Variants in AGO1 observed in about 807,000 individuals in gnomAD.
The protein encoded by AGO1 is protein argonaute-1.
A neutral mutation model predicts 109.2 loss-of-function variants in AGO1; 11 were observed. The observed-to-expected ratio is 0.10, with a 90% CI of 0.06 to 0.17. AGO1 has a LOEUF of 0.17. Ranked by LOEUF, AGO1 falls within the 10% of genes least tolerant of loss-of-function variation. The pLI is 1.00. For missense variants in AGO1, 574 were observed against 1,140.3 expected, an observed-to-expected ratio of 0.50 and a Z score of 7.15; for synonymous variants, 422 against 418.6, an observed-to-expected ratio of 1.01 and a Z score of -0.10.
intron 8 of AGO1, among the ~76,000 whole-genome samples, chr1:35,897,934 A>G (rs1645347484): frequency 6.6e-6 from 1 of 152,186 alleles, no homozygotes; most frequent in Non-Finnish European, 1.5e-5. Context: ...AACAGCCTGT[A>G]GTAACCACTA....
chr1:35,895,301 G>A, intron 8 of AGO1, 32 bp downstream of exon 8: 3 of 1,601,794 alleles, frequency 1.9e-6, no homozygotes, highest in Non-Finnish European at 8.5e-7. Flanking sequence ...TGGGGAATAG[G>A]CATTGTATAT....
intron 15 of AGO1, among the ~76,000 whole-genome samples, chr1:35,916,103 A>G (rs1189004286): frequency 6.6e-6 from 1 of 151,944 alleles, no homozygotes; most frequent in Non-Finnish European, 1.5e-5. Flanking sequence ...TACTGTTCCA[A>G]TGAACTTCCT....
chr1:35,915,827 A>G (rs1434842477), intron 15 of AGO1, among the ~76,000 whole-genome samples: 1 of 152,214 alleles, frequency 6.6e-6, no homozygotes, highest in Non-Finnish European at 1.5e-5. Context: ...TTACATTAAG[A>G]TCGCCTGGAG....
chr1:35,919,423 T>A lies in AGO1; in HGVS notation c.2466-76T>A. ...TCTTAAGTTGGTATGGGAATTGGCA[T>A]CCCAGGGCTGGGCGAGGGAATTAGC... On this transcript the variant is annotated intron_variant, in intron 18 of 18. Coordinates refer to ENST00000373204, the MANE Select transcript of AGO1 (RefSeq NM_012199.5). The surrounding 1 kb of genome is among the most constrained non-coding windows in gnomAD (Gnocchi z 6.6). 6.6e-7 allele frequency: 1 copy of A among 1,505,622 alleles called. No individual in the cohort carries two copies. Among genetic ancestry groups the A allele is most frequent in the Non-Finnish European group, 9.0e-7 (1 of 1,106,748 alleles). The allele number at this position is 1,505,622 out of a possible 1,614,324, so 93.3% of individuals were successfully genotyped here.
At chr1:35,882,641 T>A (rs1645049301), upstream of AGO1, among the ~76,000 whole-genome samples, 1 of 152,178 alleles carries the variant, frequency 6.6e-6, no homozygotes, top group South Asian at 2.1e-4. The surrounding 1 kb of genome is among the most constrained non-coding windows in gnomAD (Gnocchi z 5.1). Flanking sequence ...GTAGCTGCAC[T>A]TAAGTTCAAA....
chr1:35,870,820 T>C (rs1328331629), intron 1 of AGO1, among the ~76,000 whole-genome samples: 1 of 152,246 alleles, frequency 6.6e-6, no homozygotes. Flanking sequence ...TTGTTTAATA[T>C]GTATATTTGT....
intron 15 of AGO1, among the ~76,000 whole-genome samples, 167 bp downstream of exon 15, chr1:35,915,709 A>C (rs1281058830): frequency 6.6e-6 from 1 of 152,230 alleles, no homozygotes; most frequent in Non-Finnish European, 1.5e-5. Context: ...GGAGTGTACA[A>C]GCATCTGTAG....
chr1:35,882,851 G>A, upstream of AGO1: 1 of 985,440 alleles, frequency 1.0e-6, no homozygotes, highest in Non-Finnish European at 1.2e-6. This position sits in a 1 kb window ranked among gnomAD's most constrained non-coding sequence, Gnocchi z 5.1. Flanking sequence ...GCCCCTGGGC[G>A]CTGGAGTGCC....
intron 8 of AGO1, among the ~76,000 whole-genome samples, chr1:35,896,369 C>T (rs1016352495): frequency 3.3e-5 from 5 of 151,266 alleles, no homozygotes; most frequent in African/African-American, 1.2e-4. Context: ...CTAGACTACC[C>T]TCTTTTTCTT....
At chr1:35,898,422 A>G (rs1291500347) in intron 8 of AGO1, among the ~76,000 whole-genome samples, 1 of 151,898 alleles carries the variant, frequency 6.6e-6, no homozygotes, top group Non-Finnish European at 1.5e-5. Flanking sequence ...ACGCCTGGCT[A>G]ATTTTTTGTA....
At position 35,901,917 on chromosome 1, in the gene AGO1, T is replaced by A; in HGVS notation, c.1141-31T>A. On this transcript the variant is annotated intron_variant, in intron 9 of 18. Coordinates refer to ENST00000373204, the MANE Select transcript of AGO1 (RefSeq NM_012199.5). This position sits in a 1 kb window ranked among gnomAD's most constrained non-coding sequence, Gnocchi z 4.8. ...GTGAGCAGTATTGCCAAGCTCCTGTTCTCCTGAGATTGCTCTCTTTTGTCC... is the reference window on the plus strand; with the variant it reads ...GTGAGCAGTATTGCCAAGCTCCTGTACTCCTGAGATTGCTCTCTTTTGTCC... 1 of 1,554,364 alleles carries A rather than the reference T, an allele frequency of 6.4e-7. No homozygotes were observed. The highest frequency in any genetic ancestry group is 1.2e-5 in the South Asian group (1 of 82,076).
Position 35,890,551 on chromosome 1 carries a change from T to TA in AGO1, c.209+1944dup, listed in dbSNP as rs1645199535. ...AGTGGCTGTAATATAACTTATGTAA[T>TA]AAATCTATTGAGGAACATTTGAGTC... On this transcript the variant is annotated intron_variant, in intron 2 of 18. Coordinates refer to ENST00000373204, the MANE Select transcript of AGO1 (RefSeq NM_012199.5). Among the ~76,000 whole-genome samples, 3 of 152,214 alleles carry TA rather than the reference T, an allele frequency of 2.0e-5. No homozygotes were observed. In the South Asian group the frequency reaches 6.2e-4, roughly 32 times the overall value.
At chr1:35,878,781 T>C (rs1411193591), upstream of AGO1, among the ~76,000 whole-genome samples, 1 of 152,228 alleles carries the variant, frequency 6.6e-6, no homozygotes, top group Admixed American at 6.5e-5. Context: ...TTTATCATAA[T>C]TAGTTATTAC....
Position 35,888,727 on chromosome 1 carries a change from G to C in AGO1, c.209+117G>C. On this transcript the variant is annotated intron_variant, in intron 2 of 18. Transcript: ENST00000373204. This position sits in a 1 kb window ranked among gnomAD's most constrained non-coding sequence, Gnocchi z 4.1. ...TATCACCAAATCTAAGGAAGTTTTT[G>C]AACGGGAGATGCCACGTCGGGTAAA... The C allele has an allele frequency of 8.7e-7, 1 of 1,146,344 alleles. No individual in the cohort carries two copies. Among genetic ancestry groups the C allele is most frequent in the South Asian group, 1.6e-5 (1 of 60,820 alleles). The allele number at this position is 1,146,344 out of a possible 1,614,324, so 71.0% of individuals were successfully genotyped here.
chr1:35,928,499 G>C lies in AGO1; in HGVS notation c.*8892G>C, dbSNP rs999700616. On this transcript the variant is annotated 3_prime_UTR_variant, in exon 19 of 19. Coordinates refer to ENST00000373204, the MANE Select transcript of AGO1 (RefSeq NM_012199.5). Reference sequence around the variant, plus strand: ...GTTCGGTCTCATTAGTATTGCCCAGGCTGGCCTCTCTTAGCTTCAAGCTAT... The same window carrying C: ...GTTCGGTCTCATTAGTATTGCCCAGCCTGGCCTCTCTTAGCTTCAAGCTAT... 1 of 152,134 alleles carries C rather than the reference G, an allele frequency of 6.6e-6. No homozygotes were observed. Among genetic ancestry groups the C allele is most frequent in the African/African-American group, 2.4e-5 (1 of 41,410 alleles). The allele number at this position is 152,134 out of a possible 1,614,324, so 9.4% of individuals were successfully genotyped here. A position where few individuals can be genotyped will look rare whatever the true frequency, so the allele number is the denominator to read the frequency against.
chr1:35,901,823 C>A lies in AGO1; in HGVS notation c.1141-125C>A. 2.1e-6 allele frequency: 3 copies of A among 1,409,072 alleles called. No homozygotes were observed. Among genetic ancestry groups the A allele is most frequent in the Non-Finnish European group, 2.9e-6 (3 of 1,038,292 alleles). The allele number at this position is 1,409,072 out of a possible 1,614,324, so 87.3% of individuals were successfully genotyped here. On this transcript the variant is annotated intron_variant, in intron 9 of 18. Coordinates refer to ENST00000373204, the MANE Select transcript of AGO1 (RefSeq NM_012199.5). The surrounding 1 kb of genome is among the most constrained non-coding windows in gnomAD (Gnocchi z 4.8). ...TCACTTCCCTCATCTTCCACTTTCT[C>A]TCTCTTTTTAGGACTATTCCGTACC... is the stretch of plus-strand genomic sequence containing the variant.
At chr1:35,892,993 C>A in intron 3 of AGO1, 104 bp from the exon 4 acceptor site, 1 of 1,165,766 alleles carries the variant, frequency 8.6e-7, no homozygotes, top group Non-Finnish European at 1.2e-6. Context: ...TCATTATGAG[C>A]CCCTATCAAC....
chr1:35,909,743 T>C (rs990633878), intron 12 of AGO1, among the ~76,000 whole-genome samples: 1 of 152,202 alleles, frequency 6.6e-6, no homozygotes, highest in Non-Finnish European at 1.5e-5. Context: ...CCTCTCTATA[T>C]ACACACCTAA....
chr1:35,883,921 G>T lies in AGO1; in HGVS notation c.25+475G>T, dbSNP rs1243430229. Among the ~76,000 whole-genome samples, 1 of 152,228 alleles carries T rather than the reference G, an allele frequency of 6.6e-6. No individual in the cohort carries two copies. The highest frequency in any genetic ancestry group is 1.5e-5 in the Non-Finnish European group (1 of 68,032). Reference sequence around the variant, plus strand: ...TGAGCTCCGCCCCACTGGGCCTGACGCGAGGGCGAGGGTCAGGGGGCGGTG... The same window carrying T: ...TGAGCTCCGCCCCACTGGGCCTGACTCGAGGGCGAGGGTCAGGGGGCGGTG... On this transcript the variant is annotated intron_variant, in intron 1 of 18. Transcript: ENST00000373204. This position sits in a 1 kb window ranked among gnomAD's most constrained non-coding sequence, Gnocchi z 5.4.
Sources: gnomAD v4.1 joint callset for allele counts (sites outside exome capture counted in the v4.1 genomes callset) on GRCh38, gnomAD v4.1.1 for gene constraint, Gnocchi (gnomAD v3.1) non-coding constraint, MANE v1.5 for transcripts, NCBI Gene and HGNC (gene_info 2026-07-23, HGNC 2026-07-21) for gene names.